NSUN6: variants seen among roughly 807,000 people sequenced by gnomAD.
The protein encoded by NSUN6 is tRNA (cytosine(72)-C(5))-methyltransferase NSUN6.
A neutral mutation model predicts 58.0 loss-of-function variants in NSUN6; 64 were observed. The observed-to-expected ratio is 1.10, with a 90% CI of 0.90 to 1.36. The LOEUF (loss-of-function observed/expected upper bound fraction) is 1.36, where lower values mean the gene tolerates loss of function less well. NSUN6 is among the 40% of genes most tolerant of loss of function. The probability of loss-of-function intolerance (pLI) is 0.00; values close to 1 mark genes in which losing one functional copy is unlikely to be tolerated. For synonymous variants in NSUN6, 231 were observed against 193.9 expected (o/e 1.19, Z -1.59); for missense variants, 701 against 550.1 (o/e 1.27, Z -2.74).
chr10:18,584,989 A>C (rs1357201285), intron 8 of NSUN6, among the ~76,000 whole-genome samples: 1 of 74,434 alleles, frequency 1.3e-5, no homozygotes, highest in Admixed American at 1.3e-4. Context: ...TCAAAAATAG[A>C]GACCTATTAA....
At chr10:18,554,735 T>A (rs889643158) in intron 8 of NSUN6, among the ~76,000 whole-genome samples, 2 of 145,464 alleles carry the variant, frequency 1.4e-5, no homozygotes, top group Admixed American at 6.8e-5. Context: ...GTGGAGAATG[T>A]ATGGGAATGG....
rs1404577922 is a variant in NSUN6 at position 18,648,437 on chromosome 10, T to C, written c.231+53A>G. 10 of 1,167,108 alleles carry C rather than the reference T, an allele frequency of 8.6e-6. 1 individual carries two copies. The highest frequency in any genetic ancestry group is 1.5e-5 in the African/African-American group (1 of 65,746). The allele number at this position is 1,167,108 out of a possible 1,614,324, so 72.3% of individuals were successfully genotyped here. On this transcript the variant is annotated intron_variant, in intron 2 of 10. Transcript: ENST00000377304. ...ATTCATAGGATTTTAATGGAAAACA[T>C]GGTAGATTGCAAAAATGTAATTATG...
At chr10:18,626,692 C>A (rs1162506902) in intron 3 of NSUN6, among the ~76,000 whole-genome samples, 2 of 152,148 alleles carry the variant, frequency 1.3e-5, no homozygotes, top group South Asian at 2.1e-4. Flanking sequence ...CACTTGAACA[C>A]GGAGGTGGAG....
chr10:18,608,638 C>A (rs1180171274), intron 6 of NSUN6, among the ~76,000 whole-genome samples: 1,023 of 106,712 alleles, frequency 9.6e-3, no homozygotes, highest in Middle Eastern at 0.02. Context: ...GATCCTGTCT[C>A]AAAAAAAAAA....
intron 3 of NSUN6, among the ~76,000 whole-genome samples, chr10:18,619,470 T>C (rs1277118573): frequency 3.3e-5 from 5 of 152,172 alleles, no homozygotes; most frequent in Admixed American, 3.3e-4. Flanking sequence ...ACCCTAAATT[T>C]AGAAGAAAGA....
chr10:18,622,037 GACACAC>G (rs370576076), intron 3 of NSUN6, among the ~76,000 whole-genome samples: 2 of 148,352 alleles, frequency 1.3e-5, no homozygotes, highest in Admixed American at 6.8e-5. Flanking sequence ...ATATACGAAT[GACACAC>G]ACACACACAC....
intron 3 of NSUN6, among the ~76,000 whole-genome samples, chr10:18,639,914 G>A (rs965169639): frequency 6.6e-6 from 1 of 152,130 alleles, no homozygotes; most frequent in African/African-American, 2.4e-5. Context: ...CCTTTGAACT[G>A]GTTATTCTGT....
At chr10:18,620,646 C>T (rs2058572769) in intron 3 of NSUN6, among the ~76,000 whole-genome samples, 1 of 152,220 alleles carries the variant, frequency 6.6e-6, no homozygotes, top group African/African-American at 2.4e-5. Flanking sequence ...TTTCTCCTCA[C>T]CTTCAAGACT....
chr10:18,622,623 T>C (rs1471129498), intron 3 of NSUN6, among the ~76,000 whole-genome samples: 1 of 152,166 alleles, frequency 6.6e-6, no homozygotes, highest in African/African-American at 2.4e-5. Flanking sequence ...GGCAGGATAA[T>C]CGCTTGAACA....
intron 8 of NSUN6, among the ~76,000 whole-genome samples, chr10:18,559,113 T>A (rs561106685): frequency 6.9e-6 from 1 of 145,878 alleles, no homozygotes; most frequent in South Asian, 2.2e-4. Flanking sequence ...TGGAGGAGAA[T>A]TGAATGGAAC....
In NSUN6 at chr10:18,581,794, C is replaced by G. The variant is rs551193449; in HGVS notation, c.922+4155G>C. ...TGAGCCGAGATCGTGCCACTGTACT[C>G]CAGACTGGTGACAGAGTGAGATTCC... On this transcript the variant is annotated intron_variant, in intron 8 of 10. Transcript: ENST00000377304. Among the ~76,000 whole-genome samples the G allele has an allele frequency of 1.1e-3, 163 of 151,648 alleles. 1 individual carries two copies. Among genetic ancestry groups the G allele is most frequent in the African/African-American group, 3.9e-3 (161 of 41,304 alleles).
At chr10:18,583,786 T>C (rs2057007248) in intron 8 of NSUN6, among the ~76,000 whole-genome samples, 2 of 152,180 alleles carry the variant, frequency 1.3e-5, no homozygotes, top group Admixed American at 6.5e-5. Flanking sequence ...AAAATGAGCA[T>C]ACTTGAAGAC....
chr10:18,623,081 T>C (rs1271161392), intron 3 of NSUN6, among the ~76,000 whole-genome samples: 1 of 152,190 alleles, frequency 6.6e-6, no homozygotes, highest in East Asian at 1.9e-4. Flanking sequence ...GAAATTAAAA[T>C]ATATTTCACC....
chr10:18,576,024 A>G (rs1259046104), intron 8 of NSUN6, among the ~76,000 whole-genome samples: 1 of 152,124 alleles, frequency 6.6e-6, no homozygotes, highest in Non-Finnish European at 1.5e-5. Context: ...CTGAAACCAC[A>G]GTCCGTACAG....
In NSUN6 at chr10:18,549,492, A is replaced by G. The variant is rs530091999; in HGVS notation, c.1072-1255T>C. On this transcript the variant is annotated intron_variant, in intron 9 of 10. Transcript: ENST00000377304. Reference sequence around the variant, plus strand: ...TTCCTTTAGCTTGCTCCATAGGGCCATTGCATTATTGCCTTCTAATATACT... The same window carrying G: ...TTCCTTTAGCTTGCTCCATAGGGCCGTTGCATTATTGCCTTCTAATATACT... 9.7e-4 allele frequency among the ~76,000 whole-genome samples: 147 copies of G among 152,266 alleles called. 1 individual carries two copies. Among genetic ancestry groups the G allele is most frequent in the Admixed American group, 4.3e-3 (66 of 15,292 alleles).
chr10:18,578,814 T>C, intron 8 of NSUN6, among the ~76,000 whole-genome samples: 1 of 152,174 alleles, frequency 6.6e-6, no homozygotes, highest in East Asian at 1.9e-4. Flanking sequence ...TCCGTATCAA[T>C]GATCTTGTAC....
At position 18,651,555 on chromosome 10, in the gene NSUN6, T is replaced by C. The variant is rs956277789; in HGVS notation, c.-352A>G. The stretch of plus-strand genomic sequence containing the variant: ...ACGGACGCAGATCAGTAAGCCAGGC[T>C]GACAGCAGCTCGGTCCCTTTATCTT... On this transcript the variant is annotated 5_prime_UTR_variant, in exon 1 of 11. Coordinates refer to ENST00000377304, the MANE Select transcript of NSUN6 (RefSeq NM_182543.5). The C allele has an allele frequency of 2.0e-6, 2 of 1,006,278 alleles. No homozygotes were observed. Among genetic ancestry groups the C allele is most frequent in the Non-Finnish European group, 2.4e-6 (2 of 843,960 alleles). 62.3% of individuals were successfully genotyped at this position (1,006,278 alleles called of 1,614,324 possible).
chr10:18,583,789 T>C (rs1554861270), intron 8 of NSUN6, among the ~76,000 whole-genome samples: 1 of 152,206 alleles, frequency 6.6e-6, no homozygotes, highest in Non-Finnish European at 1.5e-5. Context: ...ATGAGCATAC[T>C]TGAAGACAGA....
chr10:18,573,517 G>C (rs546028380), intron 8 of NSUN6, among the ~76,000 whole-genome samples: 1 of 147,548 alleles, frequency 6.8e-6, no homozygotes, highest in African/African-American at 2.5e-5. Flanking sequence ...ATTCCATTCC[G>C]TTCTCCATTC....
Sources: gnomAD v4.1 joint callset for allele counts (sites outside exome capture counted in the v4.1 genomes callset) on GRCh38, gnomAD v4.1.1 for gene constraint, MANE v1.5 for transcripts, NCBI Gene and HGNC (gene_info 2026-07-23, HGNC 2026-07-21) for gene names.